FER1L6: variants seen among roughly 807,000 people sequenced by gnomAD.
FER1L6 encodes fer-1 like family member 6, also known as fer-1-like protein 6.
FER1L6 carries 177 observed loss-of-function variants against 219.2 expected under a neutral mutation model. The ratio of observed to expected loss-of-function variants is 0.81; its 90% CI spans 0.71 to 0.91. The LOEUF (loss-of-function observed/expected upper bound fraction) is 0.91. Ranked by LOEUF, FER1L6 falls within the 40% of genes least tolerant of loss-of-function variation. The pLI, the probability that FER1L6 is intolerant of heterozygous loss-of-function variation, is 0.00. For missense variants in FER1L6, 2,153 were observed against 2,259.9 expected (o/e 0.95, Z 0.96); for synonymous variants, 768 against 824.3 (o/e 0.93, Z 1.17).
chr8:123,929,431 G>A (rs746204976), intron 1 of FER1L6, among the ~76,000 whole-genome samples: 1 of 152,114 alleles, frequency 6.6e-6, no homozygotes, highest in Non-Finnish European at 1.5e-5. Context: ...ATTAACTTCA[G>A]CTCTTTTGGT....
chr8:123,896,340 A>T, intron 1 of FER1L6, among the ~76,000 whole-genome samples: 1 of 152,218 alleles, frequency 6.6e-6, no homozygotes, highest in South Asian at 2.1e-4. Context: ...TAACCTGTTC[A>T]TCTGAGAAAG....
At position 123,903,052 on chromosome 8, in the gene FER1L6, T is replaced by G. The variant is rs141459446; in HGVS notation, c.-8+50867T>G. Among the ~76,000 whole-genome samples the G allele has an allele frequency of 9.7e-3, 1,480 of 152,302 alleles. 19 individuals are homozygous for G. The highest frequency in any genetic ancestry group is 0.034 in the African/African-American group (1,397 of 41,544). ...TGAAAAAGACTATCTTTCCTTCATA[T>G]ATGATGCTTAGTAATTTGTTTTTTT... On this transcript the variant is annotated intron_variant, in intron 1 of 40. Transcript: ENST00000522917.
At chr8:123,878,556 C>G (rs548196415) in intron 1 of FER1L6, among the ~76,000 whole-genome samples, 2 of 152,256 alleles carry the variant, frequency 1.3e-5, no homozygotes, top group South Asian at 4.1e-4. Context: ...GAAGGATTAC[C>G]CTTAGTGCTC....
At chr8:123,961,887 T>TA (rs1815298893) in intron 2 of FER1L6, among the ~76,000 whole-genome samples, 1 of 149,728 alleles carries the variant, frequency 6.7e-6, no homozygotes, top group Non-Finnish European at 1.5e-5. Context: ...TTTCTTTTTT[T>TA]TTTTTTTTTT....
chr8:123,929,164 A>G (rs961554342), intron 1 of FER1L6, among the ~76,000 whole-genome samples: 1 of 152,324 alleles, frequency 6.6e-6, no homozygotes, highest in Middle Eastern at 3.4e-3. Context: ...ATATGGTCTT[A>G]CTTGAGGCCT....
intron 1 of FER1L6, among the ~76,000 whole-genome samples, chr8:123,890,010 T>A (rs1812613622): frequency 6.6e-6 from 1 of 152,110 alleles, no homozygotes; most frequent in East Asian, 1.9e-4. Flanking sequence ...TTAGAGAAAT[T>A]TGGCTAATTA....
At chr8:123,860,703 G>C (rs1816731153) in intron 1 of FER1L6, among the ~76,000 whole-genome samples, 1 of 50,988 alleles carries the variant, frequency 2.0e-5, no homozygotes, top group Non-Finnish European at 3.6e-5. Context: ...TCTCATAGTG[G>C]TTTTGATTTG....
chr8:123,915,244 C>T (rs1813149921), intron 1 of FER1L6, among the ~76,000 whole-genome samples: 1 of 152,054 alleles, frequency 6.6e-6, no homozygotes, highest in Admixed American at 6.5e-5. Flanking sequence ...CACTCACAGA[C>T]TTGTTTAGGA....
intron 1 of FER1L6, among the ~76,000 whole-genome samples, chr8:123,858,106 TCTC>T (rs1434401130): frequency 6.6e-6 from 1 of 152,126 alleles, no homozygotes; most frequent in East Asian, 1.9e-4. Context: ...TCCCCACTCT[TCTC>T]TGGCGACTCC....
intron 2 of FER1L6, among the ~76,000 whole-genome samples, chr8:123,959,767 T>G (rs1054755936): frequency 6.6e-6 from 1 of 152,174 alleles, no homozygotes; most frequent in Non-Finnish European, 1.5e-5. Context: ...TTCAGGAGTG[T>G]CTGAAGGTGG....
intron 12 of FER1L6, among the ~76,000 whole-genome samples, chr8:124,002,900 T>C (rs927189711): frequency 6.6e-6 from 1 of 152,164 alleles, no homozygotes; most frequent in African/African-American, 2.4e-5. Context: ...TATAACAGTT[T>C]TGTGATTTCT....
chr8:123,922,759 T>C (rs1430201672), intron 1 of FER1L6, among the ~76,000 whole-genome samples: 2 of 152,196 alleles, frequency 1.3e-5, no homozygotes, highest in Non-Finnish European at 2.9e-5. Context: ...ATTATTGTGG[T>C]GTGGTTTATA....
chr8:123,971,305 G>C (rs1483073736), intron 6 of FER1L6, among the ~76,000 whole-genome samples: 1 of 152,194 alleles, frequency 6.6e-6, no homozygotes, highest in Admixed American at 6.5e-5. Context: ...AAGTCACCCA[G>C]AGACAAACAA....
intron 1 of FER1L6, among the ~76,000 whole-genome samples, chr8:123,875,254 A>G (rs1816988657): frequency 6.6e-6 from 1 of 152,144 alleles, no homozygotes; most frequent in Admixed American, 6.5e-5. Context: ...CACTGTCGTC[A>G]CTTTCTATTT....
chr8:124,089,565 A>G (rs1821934823), intron 33 of FER1L6, among the ~76,000 whole-genome samples: 1 of 152,226 alleles, frequency 6.6e-6, no homozygotes, highest in African/African-American at 2.4e-5. Context: ...AATATTTTGA[A>G]TGCTGCTTAA....
intron 1 of FER1L6, among the ~76,000 whole-genome samples, chr8:123,907,812 G>A (rs1403343325): frequency 6.6e-6 from 1 of 151,502 alleles, no homozygotes; most frequent in Non-Finnish European, 1.5e-5. Context: ...TCAAACAATG[G>A]GCAGAGAAAT....
chr8:124,041,486 G>A (rs1167852813), intron 20 of FER1L6, among the ~76,000 whole-genome samples: 1 of 152,212 alleles, frequency 6.6e-6, no homozygotes, highest in East Asian at 1.9e-4. Context: ...CCTGTCGGGT[G>A]CTGGCTTTTT....
intron 6 of FER1L6, 95 bp from the exon 7 acceptor site, chr8:123,973,339 C>A: frequency 3.1e-6 from 3 of 968,660 alleles, no homozygotes; most frequent in Middle Eastern, 4.3e-4. Flanking sequence ...TGGCCAAACT[C>A]CACTGTGCTC....
rs182145501 is a variant in FER1L6 at position 124,022,151 on chromosome 8, A to G, written c.2133+482A>G. 7.3e-4 allele frequency among the ~76,000 whole-genome samples: 111 copies of G among 152,318 alleles called. 1 individual carries two copies. The highest frequency in any genetic ancestry group is 2.5e-3 in the African/African-American group (105 of 41,552). ...GTAGAAACTTCTAAAACAGGGTTTG[A>G]TGTGGGAAGATTTCAGGAAGCGAGA... On this transcript the variant is annotated intron_variant, in intron 17 of 40. Transcript: ENST00000522917.
Sources: allele counts gnomAD v4.1 joint callset (sites outside exome capture counted in the v4.1 genomes callset), GRCh38; gene constraint gnomAD v4.1.1; transcripts MANE v1.5; gene names NCBI Gene and HGNC (gene_info 2026-07-23, HGNC 2026-07-21).